Variants in FMN2 observed in about 807,000 individuals in gnomAD.
The protein encoded by FMN2 is formin-2.
A neutral mutation model predicts 142.3 loss-of-function variants in FMN2; 51 were observed. The observed-to-expected ratio is 0.36, with a 90% CI of 0.29 to 0.45. The LOEUF is 0.45. FMN2 is among the 20% of genes least tolerant of loss of function. FMN2 has a pLI of 1.00. For synonymous variants in FMN2, 882 were observed against 869.8 expected (o/e 1.01, Z -0.25); for missense variants, 1,936 against 2,122.8 (o/e 0.91, Z 1.73).
chr1:240,326,033 TC>T (rs1428264312), intron 8 of FMN2, among the ~76,000 whole-genome samples: 1 of 152,222 alleles, frequency 6.6e-6, no homozygotes, highest in African/African-American at 2.4e-5. Context: ...CTATATTTTT[TC>T]TAGAAGTAAT....
intron 4 of FMN2, among the ~76,000 whole-genome samples, chr1:240,201,855 G>T (rs539907711): frequency 6.6e-6 from 1 of 152,202 alleles, no homozygotes; most frequent in East Asian, 1.9e-4. Context: ...TATAAAATCA[G>T]GTGTTTTATG....
At chr1:240,444,474 A>G (rs1361206650) in intron 16 of FMN2, among the ~76,000 whole-genome samples, 1 of 152,122 alleles carries the variant, frequency 6.6e-6, no homozygotes, top group African/African-American at 2.4e-5. Context: ...TTGGCCTGAG[A>G]CATTTTAATT....
intron 7 of FMN2, among the ~76,000 whole-genome samples, chr1:240,274,487 G>T (rs564189282): frequency 2.2e-3 from 333 of 152,218 alleles, no homozygotes; most frequent in Non-Finnish European, 3.4e-3. Context: ...AAACAATGGG[G>T]TCTGCGGGGG....
chr1:240,096,989 A>G (rs1420696461), intron 1 of FMN2, among the ~76,000 whole-genome samples: 1 of 152,216 alleles, frequency 6.6e-6, no homozygotes, highest in East Asian at 1.9e-4. Flanking sequence ...GGCGTCTGAA[A>G]TTCGGGAGGT....
At chr1:240,117,516 G>A (rs888261020) in intron 1 of FMN2, among the ~76,000 whole-genome samples, 3 of 152,220 alleles carry the variant, frequency 2.0e-5, no homozygotes, top group African/African-American at 7.2e-5. Flanking sequence ...GAAAGCTGAA[G>A]TGTTTGAAGT....
intron 13 of FMN2, among the ~76,000 whole-genome samples, chr1:240,348,226 T>TG (rs1269085159): frequency 2.0e-3 from 301 of 149,588 alleles, no homozygotes; most frequent in Non-Finnish European, 2.7e-3. Flanking sequence ...TTTTTTACTT[T>TG]TTTTTTTTTT....
At chr1:240,346,730 C>A (rs1671920798) in intron 13 of FMN2, among the ~76,000 whole-genome samples, 2 of 149,560 alleles carry the variant, frequency 1.3e-5, no homozygotes, top group African/African-American at 5.0e-5. Context: ...GGCAACCAGT[C>A]AGGAATATGT....
intron 15 of FMN2, among the ~76,000 whole-genome samples, chr1:240,437,129 ACT>A (rs1342012573): frequency 6.6e-6 from 1 of 151,598 alleles, no homozygotes; most frequent in Non-Finnish European, 1.5e-5. Flanking sequence ...CCACTTTGAA[ACT>A]CTTCTGAGCT....
At chr1:240,375,048 CAG>C (rs1463839533) in intron 14 of FMN2, among the ~76,000 whole-genome samples, 3 of 152,056 alleles carry the variant, frequency 2.0e-5, no homozygotes, top group African/African-American at 7.2e-5. Context: ...TGTTGTGTCT[CAG>C]GGAATATGGA....
intron 2 of FMN2, chr1:240,143,031 A>G: frequency 6.7e-7 from 1 of 1,498,794 alleles, no homozygotes; most frequent in African/African-American, 1.4e-5. Flanking sequence ...CACTGGACTC[A>G]TAAGCTGCCA....
At chr1:240,391,375 A>G (rs1411970088) in intron 14 of FMN2, among the ~76,000 whole-genome samples, 1 of 152,158 alleles carries the variant, frequency 6.6e-6, no homozygotes, top group African/African-American at 2.4e-5. Flanking sequence ...TGTTGTAAGT[A>G]GTGATAAAGA....
intron 15 of FMN2, among the ~76,000 whole-genome samples, chr1:240,434,558 T>TTG (rs1553264681): frequency 7.9e-5 from 12 of 151,432 alleles, no homozygotes; most frequent in East Asian, 5.8e-4. Context: ...GTTTTTTGTT[T>TTG]TTTTTTGTTT....
At chr1:240,437,292 C>CTTCTT (rs1675414491) in intron 15 of FMN2, among the ~76,000 whole-genome samples, 1 of 117,396 alleles carries the variant, frequency 8.5e-6, no homozygotes, top group African/African-American at 3.5e-5. Context: ...GCATCTCTTG[C>CTTCTT]TTTTTTTTTT....
chr1:240,215,018 G>A (rs1666840951), intron 6 of FMN2, among the ~76,000 whole-genome samples: 1 of 152,100 alleles, frequency 6.6e-6, no homozygotes, highest in South Asian at 2.1e-4. Context: ...AGTGAGTTGT[G>A]AGAGTACCAC....
At chr1:240,184,072 C>T (rs1226120157) in intron 3 of FMN2, among the ~76,000 whole-genome samples, 2 of 151,988 alleles carry the variant, frequency 1.3e-5, no homozygotes, top group Non-Finnish European at 1.5e-5. Flanking sequence ...TGTCTTCTCT[C>T]TGTAAATACA....
intron 15 of FMN2, among the ~76,000 whole-genome samples, chr1:240,395,274 C>T (rs1347319125): frequency 6.6e-6 from 1 of 152,220 alleles, no homozygotes; most frequent in African/African-American, 2.4e-5. Context: ...ATGGACCATG[C>T]ACTTGGTCAC....
chr1:240,219,535 A>T (rs777937251), intron 6 of FMN2, among the ~76,000 whole-genome samples: 29 of 152,380 alleles, frequency 1.9e-4, no homozygotes, highest in Non-Finnish European at 2.6e-4. Context: ...TTAGAAAAAA[A>T]ATAATAAAGT....
chr1:240,105,821 T>C (rs536655426), intron 1 of FMN2, among the ~76,000 whole-genome samples: 17 of 152,316 alleles, frequency 1.1e-4, no homozygotes, highest in African/African-American at 4.1e-4. Context: ...GTAAAATCTA[T>C]AGCTTACAGT....
chr1:240,201,597 C>T (rs1666124306), intron 4 of FMN2, among the ~76,000 whole-genome samples: 1 of 151,896 alleles, frequency 6.6e-6, no homozygotes, highest in African/African-American at 2.4e-5. Flanking sequence ...ATCATGGCAC[C>T]ATATATTTTT....
Sources: allele counts gnomAD v4.1 joint callset (sites outside exome capture counted in the v4.1 genomes callset), GRCh38; gene constraint gnomAD v4.1.1; transcripts MANE v1.5; gene names NCBI Gene and HGNC (gene_info 2026-07-23, HGNC 2026-07-21).